SMOC1: variants seen among roughly 807,000 people sequenced by gnomAD.
SMOC1 encodes SPARC related modular calcium binding 1, also known as SPARC-related modular calcium-binding protein 1.
SMOC1 carries 22 observed loss-of-function variants against 56.3 expected under a neutral mutation model. That is an observed-to-expected ratio of 0.39 (90% confidence interval 0.28 to 0.56). The LOEUF (loss-of-function observed/expected upper bound fraction) is 0.56. Ranked by LOEUF, SMOC1 falls within the 20% of genes least tolerant of loss-of-function variation. The probability of loss-of-function intolerance (pLI) is 0.61; values close to 1 mark genes in which losing one functional copy is unlikely to be tolerated. For synonymous variants in SMOC1, 193 were observed against 215.0 expected (o/e 0.90, Z 0.89); for missense variants, 509 against 565.4 (o/e 0.90, Z 1.01).
chr14:70,029,426 A>G (rs554236702), intron 11 of SMOC1, among the ~76,000 whole-genome samples: 4 of 152,328 alleles, frequency 2.6e-5, no homozygotes, highest in African/African-American at 9.6e-5. Flanking sequence ...AGGGATTGCA[A>G]AGAGGTGCCC....
intron 3 of SMOC1, among the ~76,000 whole-genome samples, chr14:69,963,430 A>T (rs1034441219): frequency 1.3e-5 from 2 of 152,224 alleles, no homozygotes; most frequent in Non-Finnish European, 2.9e-5. Flanking sequence ...TGACAGGCCA[A>T]TACTTCTTTG....
chr14:69,928,715 A>G (rs1566677027), intron 1 of SMOC1, among the ~76,000 whole-genome samples: 1 of 152,170 alleles, frequency 6.6e-6, no homozygotes, highest in Non-Finnish European at 1.5e-5. Context: ...AGTCTAGATT[A>G]ATGGAGAATT....
chr14:69,980,875 G>A (rs1412500727), intron 5 of SMOC1, among the ~76,000 whole-genome samples: 2 of 152,272 alleles, frequency 1.3e-5, no homozygotes, highest in East Asian at 3.9e-4. Flanking sequence ...GGATGGCAGG[G>A]CAAGGACGGG....
intron 3 of SMOC1, among the ~76,000 whole-genome samples, chr14:69,967,409 G>T (rs1594828799): frequency 6.6e-6 from 1 of 152,328 alleles, no homozygotes; most frequent in Middle Eastern, 3.4e-3. Flanking sequence ...TGCTGCCCAG[G>T]ATCGCTTTGA....
At chr14:69,891,210 A>G (rs1201667311) in intron 1 of SMOC1, among the ~76,000 whole-genome samples, 1 of 152,228 alleles carries the variant, frequency 6.6e-6, no homozygotes, top group Non-Finnish European at 1.5e-5. Context: ...AAGAGCAGTG[A>G]TGAATGCTGT....
In SMOC1 at chr14:70,003,477, C is replaced by G. The variant is rs189728345; in HGVS notation, c.665-7277C>G. On this transcript the variant is annotated intron_variant, in intron 7 of 11. Coordinates refer to ENST00000361956, the MANE Select transcript of SMOC1 (RefSeq NM_001034852.3). ...GGTCTCATCCCTACGGTTTATTCAA[C>G]AGTGGGCAGCCCCATCTCTGAAGTG... Among the ~76,000 whole-genome samples, 697 of 152,294 alleles carry G rather than the reference C, an allele frequency of 4.6e-3. 6 individuals are homozygous for G. The highest frequency in any genetic ancestry group is 7.1e-3 in the South Asian group (34 of 4,812).
chr14:69,958,744 G>C (rs36096408), intron 3 of SMOC1, among the ~76,000 whole-genome samples: 1 of 152,140 alleles, frequency 6.6e-6, no homozygotes, highest in Non-Finnish European at 1.5e-5. Context: ...TAGCCACAAG[G>C]ATTACAATCC....
chr14:69,943,855 G>C (rs1265233179), intron 1 of SMOC1, among the ~76,000 whole-genome samples: 1 of 152,184 alleles, frequency 6.6e-6, no homozygotes, highest in East Asian at 1.9e-4. Flanking sequence ...AACTACTATA[G>C]ACCCAAACCA....
At chr14:69,987,668 A>G (rs1215817685) in intron 5 of SMOC1, among the ~76,000 whole-genome samples, 1 of 152,206 alleles carries the variant, frequency 6.6e-6, no homozygotes, top group Non-Finnish European at 1.5e-5. Flanking sequence ...TTTCCCTGAG[A>G]ATAGTCTGAG....
At chr14:70,019,914 A>C (rs1187851588) in intron 10 of SMOC1, among the ~76,000 whole-genome samples, 2 of 152,190 alleles carry the variant, frequency 1.3e-5, no homozygotes, top group Admixed American at 1.3e-4. Context: ...CCTGCTGTCA[A>C]CTTCATCTGT....
intron 3 of SMOC1, among the ~76,000 whole-genome samples, chr14:69,957,298 C>G (rs1392212265): frequency 6.6e-6 from 1 of 152,196 alleles, no homozygotes; most frequent in African/African-American, 2.4e-5. Context: ...TGAGTGCTAT[C>G]AGGTGCTAGG....
chr14:70,015,801 A>C lies in SMOC1; in HGVS notation c.1046+2310A>C, dbSNP rs554500649. On this transcript the variant is annotated intron_variant, in intron 10 of 11. Coordinates refer to ENST00000361956, the MANE Select transcript of SMOC1 (RefSeq NM_001034852.3). ...AGAGGGGAGAAGGTGAATTTTGAAA[A>C]GGCAGTATTGTTGGCCTTGATGTTA... Among the ~76,000 whole-genome samples, 6 of 152,314 alleles carry C rather than the reference A, an allele frequency of 3.9e-5. No homozygotes were observed. The East Asian group carries it at 1.2e-3, about 29-fold the overall frequency.
In SMOC1 at chr14:70,011,573, A is replaced by G. The variant is rs1245931349; in HGVS notation, c.940+6A>G. ...CAAGGACAGGGAGCTACCAGGTGGGAGACGATGCTGCCCTGCCGGCGCCAT... is the reference window on the plus strand; with the variant it reads ...CAAGGACAGGGAGCTACCAGGTGGGGGACGATGCTGCCCTGCCGGCGCCAT... On this transcript the variant is annotated splice_donor_region_variant and intron_variant, in intron 9 of 11. Coordinates refer to ENST00000361956, the MANE Select transcript of SMOC1 (RefSeq NM_001034852.3). 6.2e-7 allele frequency: 1 copy of G among 1,612,268 alleles called. No homozygotes were observed. The highest frequency in any genetic ancestry group is 1.1e-5 in the South Asian group (1 of 91,026).
chr14:69,929,800 G>A (rs977431897), intron 1 of SMOC1, among the ~76,000 whole-genome samples: 3 of 152,176 alleles, frequency 2.0e-5, no homozygotes, highest in African/African-American at 7.2e-5. Flanking sequence ...TTGGGAGTTT[G>A]GCCAGATTGT....
At chr14:69,907,721 A>G (rs1022882811) in intron 1 of SMOC1, among the ~76,000 whole-genome samples, 3 of 152,264 alleles carry the variant, frequency 2.0e-5, no homozygotes, top group African/African-American at 7.2e-5. Flanking sequence ...AGACTGGGTA[A>G]GCTTATAAAC....
intron 1 of SMOC1, among the ~76,000 whole-genome samples, chr14:69,909,047 A>G (rs1191598939): frequency 6.6e-6 from 1 of 152,074 alleles, no homozygotes; most frequent in African/African-American, 2.4e-5. Flanking sequence ...CTGTAGATTT[A>G]TCTCTTTGCT....
At chr14:69,913,988 C>T (rs188449598) in intron 1 of SMOC1, among the ~76,000 whole-genome samples, 1 of 152,194 alleles carries the variant, frequency 6.6e-6, no homozygotes, top group African/African-American at 2.4e-5. Flanking sequence ...GAATAAGATC[C>T]TGATCATGTG....
intron 1 of SMOC1, among the ~76,000 whole-genome samples, chr14:69,950,501 A>G (rs1365882194): frequency 1.3e-5 from 2 of 152,254 alleles, no homozygotes; most frequent in Non-Finnish European, 2.9e-5. Flanking sequence ...CAAAACCTCT[A>G]TGAGCTTGGT....
intron 1 of SMOC1, among the ~76,000 whole-genome samples, chr14:69,926,025 G>A (rs1458556862): frequency 6.7e-6 from 1 of 149,026 alleles, no homozygotes; most frequent in African/African-American, 2.5e-5. Context: ...GAGGCCCAAG[G>A]AGCTGGTTAA....
Sources: allele counts gnomAD v4.1 joint callset (sites outside exome capture counted in the v4.1 genomes callset), GRCh38; gene constraint gnomAD v4.1.1; transcripts MANE v1.5; gene names NCBI Gene and HGNC (gene_info 2026-07-23, HGNC 2026-07-21).